CEP112: variants seen among roughly 807,000 people sequenced by gnomAD.
The protein encoded by CEP112 is centrosomal protein 112, also known as centrosomal protein of 112 kDa.
Under a neutral mutation model 153.0 loss-of-function variants are expected in CEP112, and 127 were observed. The ratio of observed to expected loss-of-function variants is 0.83; its 90% CI spans 0.72 to 0.96. The LOEUF is 0.96. CEP112 is among the 40% of genes least tolerant of loss of function. The pLI, the probability that CEP112 is intolerant of heterozygous loss-of-function variation, is 0.00. For synonymous variants in CEP112, 358 were observed against 374.4 expected (o/e 0.96, Z 0.51); for missense variants, 1,089 against 1,101.2 (o/e 0.99, Z 0.16).
intron 24 of CEP112, among the ~76,000 whole-genome samples, chr17:65,669,704 C>T (rs146627933): frequency 2.0e-5 from 3 of 152,072 alleles, no homozygotes; most frequent in South Asian, 2.1e-4. Context: ...GAGATCGAGA[C>T]CATCCTGGCT....
intron 24 of CEP112, among the ~76,000 whole-genome samples, chr17:65,680,820 C>A (rs967047939): frequency 6.6e-6 from 1 of 152,160 alleles, no homozygotes; most frequent in Non-Finnish European, 1.5e-5. Flanking sequence ...GAAGCAGGCA[C>A]CTTCTTCACA....
chr17:66,057,758 TACACACACACACACACAC>T lies in CEP112; in HGVS notation c.1075-3897_1075-3880del, dbSNP rs71160526. On this transcript the variant is annotated intron_variant, in intron 11 of 26. Coordinates refer to ENST00000535342, the MANE Select transcript of CEP112 (RefSeq NM_001199165.4). ...AGCCCAGATTTACATAAAATTACTC[TACACACACACACACACAC>T]ACACACACACACACACACACAGCCT... 4.2e-5 allele frequency among the ~76,000 whole-genome samples: 6 copies of T among 142,486 alleles called. No homozygotes were observed. The East Asian group carries it at 6.3e-4, about 15-fold the overall frequency. 93.5% of individuals were successfully genotyped at this position (142,486 alleles called of 152,430 possible).
intron 12 of CEP112, among the ~76,000 whole-genome samples, chr17:66,047,707 C>A (rs767583116): frequency 2.0e-5 from 3 of 152,162 alleles, no homozygotes; most frequent in African/African-American, 4.8e-5. Context: ...AAATTTCTAA[C>A]ACACATTTAT....
chr17:66,048,276 A>G (rs2066297006), intron 12 of CEP112, among the ~76,000 whole-genome samples: 1 of 152,144 alleles, frequency 6.6e-6, no homozygotes, highest in African/African-American at 2.4e-5. Context: ...AGTAATTATG[A>G]AGCTGTAATA....
At position 66,175,245 on chromosome 17, in the gene CEP112, C is replaced by A. The variant is rs765551919; in HGVS notation, c.298-29G>T. On this transcript the variant is annotated intron_variant, in intron 3 of 26. Coordinates refer to ENST00000535342, the MANE Select transcript of CEP112 (RefSeq NM_001199165.4). ...ATTTTTTAAAATTAGAAAAATTATT[C>A]TTTCAAAATGTACTATAATAAACCA... The A allele has an allele frequency of 7.4e-6, 11 of 1,486,584 alleles. No homozygotes were observed. In the Admixed American group the frequency reaches 2.5e-4, roughly 34 times the overall value. The allele number at this position is 1,486,584 out of a possible 1,614,324, so 92.1% of individuals were successfully genotyped here.
At chr17:66,059,466 C>A (rs1224191410) in intron 11 of CEP112, among the ~76,000 whole-genome samples, 2 of 151,998 alleles carry the variant, frequency 1.3e-5, no homozygotes, top group Non-Finnish European at 1.5e-5. Flanking sequence ...AAACAAATAA[C>A]CCCATTAAAA....
intron 24 of CEP112, among the ~76,000 whole-genome samples, chr17:65,669,406 T>A (rs1292916648): frequency 6.6e-6 from 1 of 152,158 alleles, no homozygotes; most frequent in Non-Finnish European, 1.5e-5. Flanking sequence ...AAAAAGGGTA[T>A]GTATAGCCTG....
chr17:65,695,306 C>T (rs2048302971), intron 23 of CEP112, among the ~76,000 whole-genome samples: 1 of 152,186 alleles, frequency 6.6e-6, no homozygotes, highest in Non-Finnish European at 1.5e-5. Context: ...TGTTAATGGG[C>T]TCTTCAGGGT....
intron 24 of CEP112, among the ~76,000 whole-genome samples, chr17:65,653,697 G>A (rs1031829889): frequency 6.6e-6 from 1 of 152,168 alleles, no homozygotes; most frequent in African/African-American, 2.4e-5. Flanking sequence ...TGTTTCTGAG[G>A]GATGGGCCTT....
chr17:66,155,061 G>A (rs1381619597), intron 4 of CEP112, among the ~76,000 whole-genome samples: 2 of 152,100 alleles, frequency 1.3e-5, no homozygotes, highest in Non-Finnish European at 2.9e-5. Context: ...TCAGATGCCA[G>A]CACCTTGATT....
At chr17:65,770,928 T>A (rs1400393940) in intron 21 of CEP112, among the ~76,000 whole-genome samples, 5 of 124,300 alleles carry the variant, frequency 4.0e-5, no homozygotes, top group African/African-American at 6.4e-5. Flanking sequence ...GACTCCGTCT[T>A]AAAAAAAAAA....
At chr17:66,000,266 C>CTGA (rs77659738) in intron 17 of CEP112, among the ~76,000 whole-genome samples, 137,378 of 148,388 alleles carry the variant, frequency 0.93, 63,831 homozygotes, top group East Asian at 0.97. Flanking sequence ...ACCATTTTGA[C>CTGA]TGTAAGATGG....
At chr17:66,017,515 G>A (rs2064822377) in intron 16 of CEP112, among the ~76,000 whole-genome samples, 1 of 152,074 alleles carries the variant, frequency 6.6e-6, no homozygotes, top group Non-Finnish European at 1.5e-5. Flanking sequence ...AATAAGTATT[G>A]TTTTAAATTT....
intron 16 of CEP112, among the ~76,000 whole-genome samples, chr17:66,007,499 T>C (rs1241625947): frequency 6.6e-6 from 1 of 152,222 alleles, no homozygotes; most frequent in Non-Finnish European, 1.5e-5. Flanking sequence ...GTAAGCATAC[T>C]ATACTAGAGT....
At chr17:65,764,618 A>G (rs2052832844) in intron 21 of CEP112, among the ~76,000 whole-genome samples, 1 of 152,016 alleles carries the variant, frequency 6.6e-6, no homozygotes, top group African/African-American at 2.4e-5. Context: ...TTTGTGTGCA[A>G]TAGCTTCTTC....
chr17:66,026,668 G>A (rs1169929082), intron 16 of CEP112, among the ~76,000 whole-genome samples: 1 of 152,152 alleles, frequency 6.6e-6, no homozygotes, highest in African/African-American at 2.4e-5. Flanking sequence ...AAAATCCATG[G>A]ATGCTCAAGT....
intron 21 of CEP112, among the ~76,000 whole-genome samples, chr17:65,849,970 AT>A: frequency 6.6e-6 from 1 of 152,178 alleles, no homozygotes; most frequent in East Asian, 1.9e-4. Context: ...CCTGGCCAAC[AT>A]GGTAAAACCC....
chr17:65,988,656 T>C (rs1474304001), intron 17 of CEP112, among the ~76,000 whole-genome samples: 1 of 152,092 alleles, frequency 6.6e-6, no homozygotes, highest in Non-Finnish European at 1.5e-5. Context: ...AGACTCTCAA[T>C]AGCAGAATGG....
At chr17:65,833,156 ACC>A (rs2057157989) in intron 21 of CEP112, among the ~76,000 whole-genome samples, 1 of 151,998 alleles carries the variant, frequency 6.6e-6, no homozygotes, top group Non-Finnish European at 1.5e-5. Flanking sequence ...AAAATTCAAC[ACC>A]CCTTCATGTT....
Sources: gnomAD v4.1 joint callset for allele counts (sites outside exome capture counted in the v4.1 genomes callset) on GRCh38, gnomAD v4.1.1 for gene constraint, MANE v1.5 for transcripts, NCBI Gene and HGNC (gene_info 2026-07-23, HGNC 2026-07-21) for gene names.